The following ADAM8 variants were observed in gnomAD, a reference collection of about 807,000 sequenced individuals.
ADAM8 encodes disintegrin and metalloproteinase domain-containing protein 8.
A neutral mutation model predicts 102.4 loss-of-function variants in ADAM8; 104 were observed. That is an observed-to-expected ratio of 1.02 (90% CI 0.87 to 1.20). The LOEUF (loss-of-function observed/expected upper bound fraction) is 1.20. Among genes scored for constraint, ADAM8 ranks in the 50% most tolerant of loss-of-function variants. ADAM8 has a pLI of 0.00. For missense variants in ADAM8, 1,132 were observed against 1,159.0 expected, an observed-to-expected ratio of 0.98 and a Z score of 0.34; for synonymous variants, 517 against 485.2, an observed-to-expected ratio of 1.07 and a Z score of -0.86.
At position 133,267,471 on chromosome 10, in the gene ADAM8, C is replaced by G. The variant is rs550728560; in HGVS notation, c.2254-54G>C. ...TCAGAGCTGGGACCCCCGTGCCCCTCCAGCACCCCCAGCTCCAGGATCCGA... is the reference window on the plus strand; with the variant it reads ...TCAGAGCTGGGACCCCCGTGCCCCTGCAGCACCCCCAGCTCCAGGATCCGA... On this transcript the variant is annotated intron_variant, in intron 20 of 22. Coordinates refer to ENST00000445355, the MANE Select transcript of ADAM8 (RefSeq NM_001109.5). The G allele has an allele frequency of 2.0e-5, 30 of 1,495,256 alleles. No individual in the cohort carries two copies. The African/African-American group carries it at 4.0e-4, about 20-fold the overall frequency. The allele number at this position is 1,495,256 out of a possible 1,614,324, so 92.6% of individuals were successfully genotyped here.
chr10:133,269,482 C>T lies in ADAM8; in HGVS notation c.1911G>A (p.Pro637=), dbSNP rs144766951. 573 of 1,600,178 alleles carry T rather than the reference C, an allele frequency of 3.6e-4. No individual in the cohort carries two copies. The East Asian group carries it at 6.1e-3, about 17-fold the overall frequency. Residue 637 remains proline, a synonymous_variant, in exon 18 of 23, where the codon CCG becomes CCA. Transcript: ENST00000445355. ...QECHCHAGWA[P]PHCAKLLTEV... The stretch of plus-strand genomic sequence containing the variant: ...CAGTCAGCAGCTTCGCGCAGTGGGG[C>T]GGGGCCCAGCCCGCGTGGCAGTGGC...
rs769988569 is a variant in ADAM8, at chr10:133,268,081, G to T, written c.2101C>A (p.Pro701Thr). ...APKTTMGRSN[P>T]LFHQAASRVP... Reference sequence around the variant, plus strand: ...CGGCTGGCAGCCTGGTGGAACAGGGGGTTGGAGCGCCCCATTGTGGTCTTG... The same window carrying T: ...CGGCTGGCAGCCTGGTGGAACAGGGTGTTGGAGCGCCCCATTGTGGTCTTG... Residue 701 changes from proline (P) to threonine (T), a missense_variant, in exon 20 of 23, where the codon CCC becomes ACC. Pro to Thr is a conservative substitution (Grantham distance 38, BLOSUM62 -1). Coordinates refer to ENST00000445355, the MANE Select transcript of ADAM8 (RefSeq NM_001109.5). 4 of 1,274,928 alleles carry T rather than the reference G, an allele frequency of 3.1e-6. No individual in the cohort carries two copies. The highest frequency in any genetic ancestry group is 4.0e-6 in the Non-Finnish European group (4 of 1,003,468). The allele number at this position is 1,274,928 out of a possible 1,614,324, so 79.0% of individuals were successfully genotyped here.
At chr10:133,272,685 G>A in intron 8 of ADAM8, 100 bp from the exon 9 acceptor site, 1 of 1,534,088 alleles carries the variant, frequency 6.5e-7, no homozygotes, top group South Asian at 1.2e-5. Context: ...GCGAGGTGGG[G>A]CCAGGCACAG....
chr10:133,271,694 G>A lies in ADAM8; in HGVS notation c.1118C>T (p.Pro373Leu). Reference protein sequence around the residue: ...IMAGSIGSSFPRMFSDCSQAY... With the variant: ...IMAGSIGSSFLRMFSDCSQAY... Reference sequence around the variant, plus strand: ...CTGGCTGCAGTCACTGAACATCCTGGGGAAACTGGAGCTGGGGAGGCGGGG... The same window carrying A: ...CTGGCTGCAGTCACTGAACATCCTGAGGAAACTGGAGCTGGGGAGGCGGGG... Residue 373 changes from proline to leucine, a missense_variant, in exon 12 of 23, where the codon CCC (proline) becomes CTC (leucine). Physicochemically the swap from Pro to Leu is moderately conservative, Grantham distance 98 (BLOSUM62 -3). Coordinates refer to ENST00000445355, the MANE Select transcript of ADAM8 (RefSeq NM_001109.5). 3 of 1,582,344 alleles carry A rather than the reference G, an allele frequency of 1.9e-6. No homozygotes were observed. Among genetic ancestry groups the A allele is most frequent in the Non-Finnish European group, 1.7e-6 (2 of 1,164,004 alleles).
chr10:133,274,170 C>G lies in ADAM8; in HGVS notation c.216G>C (p.Leu72=). The G allele has an allele frequency of 6.3e-7, 1 of 1,588,116 alleles. No individual in the cohort carries two copies. The highest frequency in any genetic ancestry group is 8.6e-7 in the Non-Finnish European group (1 of 1,166,512). ...GATGHNFTLH[L]RKNRDLLGSG... ...CGAGACCCACTCACCTGTTCTTCCG[C>G]AGGTGGAGGGTGAAGTTGTGCCCTG... Residue 72 remains leucine, a synonymous_variant, in exon 3 of 23, where the codon CTG becomes CTC. Coordinates refer to ENST00000445355, the MANE Select transcript of ADAM8 (RefSeq NM_001109.5).
Position 133,263,358 on chromosome 10 carries a change from C to A in ADAM8, c.2398-125G>T, listed in dbSNP as rs534546720. On this transcript the variant is annotated intron_variant, in intron 22 of 22. Transcript: ENST00000445355. Reference sequence around the variant, plus strand: ...TGTGGATTCTTGGTTCATCCACCAACAACATGGCCCATGCACACAATGGCA... The same window carrying A: ...TGTGGATTCTTGGTTCATCCACCAAAAACATGGCCCATGCACACAATGGCA... The A allele has an allele frequency of 1.3e-3, 1,199 of 917,124 alleles. 1 individual carries two copies. The highest frequency in any genetic ancestry group is 1.8e-3 in the Non-Finnish European group (1,127 of 621,318). The allele number at this position is 917,124 out of a possible 1,614,324, so 56.8% of individuals were successfully genotyped here.
chr10:133,274,650 T>G, intron 2 of ADAM8: 7 of 292,248 alleles, frequency 2.4e-5, no homozygotes, highest in Middle Eastern at 1.3e-3. Context: ...GTAACGACAA[T>G]GCCCCTTCCC....
intron 8 of ADAM8, 45 bp downstream of exon 8, chr10:133,272,753 C>A (rs1846587642): frequency 3.2e-6 from 5 of 1,566,974 alleles, no homozygotes; most frequent in Non-Finnish European, 4.3e-6. Context: ...CCCCCCACCT[C>A]CCGCCAGGGG....
chr10:133,266,317 T>G (rs1371046281), intron 21 of ADAM8, among the ~76,000 whole-genome samples: 3 of 152,122 alleles, frequency 2.0e-5, no homozygotes, highest in Non-Finnish European at 4.4e-5. Context: ...GCGCCCACAC[T>G]GTGGCCATTC....
rs764562303 is a variant in ADAM8 at position 133,273,378 on chromosome 10, C to G, written c.449G>C (p.Gly150Ala). Residue 150 changes from glycine (G) to alanine (A), a missense_variant, in exon 6 of 23, where the codon GGA (glycine) becomes GCA (alanine). By Grantham distance (60) the Gly-to-Ala change is moderately conservative. Transcript: ENST00000445355. Reference protein sequence around the residue: ...IEPLDEGGEGGRHAVYQAEHL... With the variant: ...IEPLDEGGEGARHAVYQAEHL... Reference sequence around the variant, plus strand: ...CTCAGCCTGGTACACGGCGTGCCGTCCGCCCTCGCCACCTTCATCCAGGGG... The same window carrying G: ...CTCAGCCTGGTACACGGCGTGCCGTGCGCCCTCGCCACCTTCATCCAGGGG... 3 of 1,551,984 alleles carry G rather than the reference C, an allele frequency of 1.9e-6. No individual in the cohort carries two copies. The South Asian group carries it at 3.6e-5, about 18-fold the overall frequency.
At chr10:133,274,134 G>A (rs1010328072) in intron 3 of ADAM8, 25 bp downstream of exon 3, 8 of 1,583,480 alleles carry the variant, frequency 5.1e-6, no homozygotes, top group Non-Finnish European at 6.9e-6. Flanking sequence ...GCCCGGGCAG[G>A]GGGGCCGACC....
intron 21 of ADAM8, among the ~76,000 whole-genome samples, chr10:133,264,625 CCTGCACAGTT>C (rs1846265977): frequency 6.6e-6 from 1 of 152,222 alleles, no homozygotes; most frequent in South Asian, 2.1e-4. Context: ...TGACTTCCCT[CCTGCACAGTT>C]CTGCTGCAGC....
rs756187481 is a variant in ADAM8, at chr10:133,268,761, G to A, written c.2050C>T (p.Arg684Cys). The change falls in exon 19 of 23, where the codon CGC becomes TGC. Residue 684 changes from arginine to cysteine, a missense_variant. Arg to Cys is a radical substitution (Grantham distance 180, BLOSUM62 -3). Transcript: ENST00000445355. ...CACCACCCTCACCTGCTCAGGATGCGGCTCCGGGCTTTGCGGTAGACGATG... is the reference window on the plus strand; with the variant it reads ...CACCACCCTCACCTGCTCAGGATGCAGCTCCGGGCTTTGCGGTAGACGATG... Reference protein sequence around the residue: ...GIIVYRKARSRILSRNVAPKT... With the variant: ...GIIVYRKARSCILSRNVAPKT... 9.3e-6 allele frequency: 15 copies of A among 1,610,240 alleles called. No individual in the cohort carries two copies. Among genetic ancestry groups the A allele is most frequent in the African/African-American group, 2.7e-5 (2 of 74,912 alleles).
intron 8 of ADAM8, 50 bp from the exon 9 acceptor site, chr10:133,272,635 A>G (rs768858815): frequency 1.9e-6 from 3 of 1,570,616 alleles, no homozygotes; most frequent in South Asian, 1.2e-5. Flanking sequence ...CGGAAGGTAC[A>G]GCAGGGAGGG....
Position 133,269,426 on chromosome 10 carries a change from G to A in ADAM8, c.1948+19C>T, listed in dbSNP as rs541031879. Reference sequence around the variant, plus strand: ...GAGCTTGGACCCCAGCCCCACCTGCGCTGGCCAGGGAGGCCTACCTGCGTG... The same window carrying A: ...GAGCTTGGACCCCAGCCCCACCTGCACTGGCCAGGGAGGCCTACCTGCGTG... On this transcript the variant is annotated intron_variant, in intron 18 of 22. Transcript: ENST00000445355. The A allele has an allele frequency of 5.8e-5, 89 of 1,541,600 alleles. No homozygotes were observed. The highest frequency in any genetic ancestry group is 1.6e-4 in the Admixed American group (8 of 51,406).
chr10:133,271,428 C>A, intron 12 of ADAM8, 100 bp downstream of exon 12: 2 of 1,472,112 alleles, frequency 1.4e-6, no homozygotes, highest in Admixed American at 2.1e-5. Context: ...CCACAGAGCC[C>A]CAAGTTCCAC....
chr10:133,269,411 C>G, intron 18 of ADAM8, 34 bp downstream of exon 18: 1 of 1,485,682 alleles, frequency 6.7e-7, no homozygotes. Context: ...GAGCTTGGAC[C>G]CCAGCCCCAC....
In ADAM8 at chr10:133,272,439, C is replaced by T; in HGVS notation, c.852G>A (p.Leu284=). 1.2e-6 allele frequency: 2 copies of T among 1,605,692 alleles called. No individual in the cohort carries two copies. Among genetic ancestry groups the T allele is most frequent in the Middle Eastern group, 1.8e-4 (1 of 5,560 alleles). Residue 284 remains leucine (L), a synonymous_variant, in exon 9 of 23, where the codon CTG becomes CTA. Coordinates refer to ENST00000445355, the MANE Select transcript of ADAM8 (RefSeq NM_001109.5). ...ACGTGATGAGCTGTACGTTGTCATGCAGGTGCCGCCGTGTCCGTTGCCGTG... is the reference window on the plus strand; with the variant it reads ...ACGTGATGAGCTGTACGTTGTCATGTAGGTGCCGCCGTGTCCGTTGCCGTG... ...WQARQRTRRH[L]HDNVQLITGV... is the part of the protein sequence containing the mutation.
chr10:133,269,225 C>T (rs898609134), intron 18 of ADAM8: 1 of 975,080 alleles, frequency 1.0e-6, no homozygotes, highest in African/African-American at 1.8e-5. Flanking sequence ...CGGCCGTGCC[C>T]TGCCCTCGGC....
Sources: gnomAD v4.1 joint callset for allele counts (sites outside exome capture counted in the v4.1 genomes callset) on GRCh38, gnomAD v4.1.1 for gene constraint, MANE v1.5 for transcripts, NCBI Gene and HGNC (gene_info 2026-07-23, HGNC 2026-07-21) for gene names.